TENM2: variants seen among roughly 807,000 people sequenced by gnomAD.
TENM2 encodes the protein teneurin transmembrane protein 2, also known as teneurin-2.
A neutral mutation model predicts 245.2 loss-of-function variants in TENM2; 52 were observed. The observed-to-expected ratio is 0.21, with a 90% CI of 0.17 to 0.27. The LOEUF is 0.27. TENM2 is among the 10% of genes least tolerant of loss of function. TENM2 has a pLI of 1.00. For synonymous variants in TENM2, 1,363 were observed against 1,438.9 expected (o/e 0.95, Z 1.19); for missense variants, 3,046 against 3,666.8 (o/e 0.83, Z 4.37).
intron 12 of TENM2, among the ~76,000 whole-genome samples, chr5:168,142,144 C>T (rs1755608713): frequency 2.0e-5 from 3 of 152,202 alleles, no homozygotes; most frequent in Admixed American, 2.0e-4. Context: ...TAACTCCTGA[C>T]TAAACTAAAT....
chr5:167,059,708 CTTTT>C, the TENM2 span, among the ~76,000 whole-genome samples: 1 of 142,796 alleles, frequency 7.0e-6, no homozygotes. Flanking sequence ...AAGTAAATGT[CTTTT>C]TTTTTTTTTT....
the TENM2 span, among the ~76,000 whole-genome samples, chr5:167,178,454 T>C: frequency 6.6e-6 from 1 of 152,310 alleles, no homozygotes; most frequent in African/African-American, 2.4e-5. Flanking sequence ...GGTCCATAAC[T>C]GTGCTTTAGT....
At chr5:168,167,734 A>T (rs892387183) in intron 13 of TENM2, among the ~76,000 whole-genome samples, 6 of 152,086 alleles carry the variant, frequency 3.9e-5, no homozygotes, top group Non-Finnish European at 8.8e-5. Context: ...ATCATAATTG[A>T]TTGAGGGCTT....
intron 2 of TENM2, among the ~76,000 whole-genome samples, chr5:167,818,965 G>C (rs962639135): frequency 3.3e-5 from 5 of 152,076 alleles, no homozygotes; most frequent in Admixed American, 6.6e-5. Context: ...ACACACTCAC[G>C]TGACATCATC....
At chr5:168,039,347 A>T (rs2151998068) in intron 5 of TENM2, among the ~76,000 whole-genome samples, 1 of 152,238 alleles carries the variant, frequency 6.6e-6, no homozygotes. Flanking sequence ...TGGGTTGTCA[A>T]CAGTGAATGA....
At chr5:167,398,894 A>G (rs1162820252) in intron 2 of TENM2, among the ~76,000 whole-genome samples, 4 of 152,192 alleles carry the variant, frequency 2.6e-5, no homozygotes, top group African/African-American at 9.7e-5. Flanking sequence ...AATTTTTGCC[A>G]TATTTAGTCA....
Position 167,311,137 on chromosome 5 carries a change from G to A in TENM2, c.226+26074G>A, listed in dbSNP as rs572970306. ...GACATTTGAACATGACTGCATAACCGAGCTTCATTGAGGAGCAGGGGACAG... is the reference window on the plus strand; with the variant it reads ...GACATTTGAACATGACTGCATAACCAAGCTTCATTGAGGAGCAGGGGACAG... On this transcript the variant is annotated intron_variant, in intron 1 of 28. Coordinates refer to ENST00000518659, the Ensembl canonical transcript of TENM2. 1.1e-4 allele frequency among the ~76,000 whole-genome samples: 16 copies of A among 152,262 alleles called. No individual in the cohort carries two copies. In the South Asian group the frequency reaches 1.5e-3, roughly 14 times the overall value.
the TENM2 span, among the ~76,000 whole-genome samples, chr5:167,046,449 A>G: frequency 3.9e-5 from 6 of 152,326 alleles, no homozygotes; most frequent in South Asian, 6.2e-4. Flanking sequence ...GAAAATTACC[A>G]TCCAAAAATG....
At chr5:167,795,138 C>G (rs1189931462) in intron 2 of TENM2, among the ~76,000 whole-genome samples, 1 of 152,094 alleles carries the variant, frequency 6.6e-6, no homozygotes, top group Non-Finnish European at 1.5e-5. Flanking sequence ...GGATTGGTGT[C>G]AGATGAGAGA....
intron 1 of TENM2, among the ~76,000 whole-genome samples, chr5:167,312,420 G>A (rs916175239): frequency 6.6e-6 from 1 of 152,232 alleles, no homozygotes; most frequent in Non-Finnish European, 1.5e-5. Context: ...TAGAGTTCAT[G>A]TCAGAAGGAG....
intron 1 of TENM2, among the ~76,000 whole-genome samples, chr5:167,314,489 G>A (rs965603180): frequency 7.2e-5 from 11 of 151,930 alleles, no homozygotes; most frequent in Non-Finnish European, 1.2e-4. Context: ...TTAAAAATAG[G>A]GCATTAAAGA....
chr5:168,106,358 C>T (rs1358908342), intron 9 of TENM2, among the ~76,000 whole-genome samples: 1 of 152,192 alleles, frequency 6.6e-6, no homozygotes, highest in Non-Finnish European at 1.5e-5. Flanking sequence ...TCATCATCAT[C>T]ATCATCATCA....
the TENM2 span, among the ~76,000 whole-genome samples, chr5:167,007,514 A>G: frequency 2.7e-3 from 413 of 152,330 alleles, 3 homozygotes; most frequent in African/African-American, 9.5e-3. This position sits in a 1 kb window ranked among gnomAD's most constrained non-coding sequence, Gnocchi z 4.2. Flanking sequence ...ATTCTTCACC[A>G]TGCCTCAATC....
intron 20 of TENM2, 58 bp from the exon 23 acceptor site, chr5:168,214,982 C>A (rs1763060502): frequency 6.8e-7 from 1 of 1,460,200 alleles, no homozygotes; most frequent in Non-Finnish European, 9.6e-7. Flanking sequence ...TTCCTTTGAT[C>A]TAGGAGGCCA....
At chr5:167,276,351 TTTGTGTGTGTG>T in the TENM2 span, among the ~76,000 whole-genome samples, 2 of 35,410 alleles carry the variant, frequency 5.6e-5, no homozygotes, top group African/African-American at 1.2e-4. Flanking sequence ...GCCTGTTCAT[TTTGTGTGTGTG>T]TGTGTGTGTG....
At chr5:167,547,400 G>A (rs566238506) in intron 2 of TENM2, among the ~76,000 whole-genome samples, 117 of 152,308 alleles carry the variant, frequency 7.7e-4, no homozygotes, top group African/African-American at 2.8e-3. Flanking sequence ...ACAGGTATTT[G>A]CTCTGCAGGA....
chr5:168,200,328 C>G (rs1378628378), intron 17 of TENM2, among the ~76,000 whole-genome samples, 197 bp downstream of exon 19: 5 of 151,952 alleles, frequency 3.3e-5, no homozygotes, highest in African/African-American at 1.2e-4. Flanking sequence ...ACAAGTGAAA[C>G]AAAGAAATAT....
chr5:167,739,669 A>G (rs569197933), intron 2 of TENM2, among the ~76,000 whole-genome samples: 1 of 152,292 alleles, frequency 6.6e-6, no homozygotes, highest in South Asian at 2.1e-4. Context: ...AAGGACCATG[A>G]ATCCACAAAA....
At chr5:167,183,950 GA>G in the TENM2 span, among the ~76,000 whole-genome samples, 1 of 152,032 alleles carries the variant, frequency 6.6e-6, no homozygotes, top group Non-Finnish European at 1.5e-5. Context: ...TCTTGACTTA[GA>G]AAAAGGACAT....
Sources: allele counts gnomAD v4.1 joint callset (sites outside exome capture counted in the v4.1 genomes callset), GRCh38; gene constraint gnomAD v4.1.1; non-coding constraint Gnocchi (gnomAD v3.1); transcripts MANE v1.5; gene names NCBI Gene and HGNC (gene_info 2026-07-23, HGNC 2026-07-21).